Variants in SETD7 observed in about 807,000 individuals in gnomAD.
The protein encoded by SETD7 is SET domain containing 7, histone lysine methyltransferase.
Under a neutral mutation model 41.8 loss-of-function variants are expected in SETD7, and 16 were observed. The ratio of observed to expected loss-of-function variants is 0.38; its 90% CI spans 0.26 to 0.58. The LOEUF is 0.58. Ranked by LOEUF, SETD7 falls within the 20% of genes least tolerant of loss-of-function variation. SETD7 has a pLI of 0.64. For missense variants in SETD7, 346 were observed against 459.7 expected (o/e 0.75, Z 2.26); for synonymous variants, 163 against 169.7 (o/e 0.96, Z 0.31).
chr4:139,517,939 G>C lies in SETD7; in HGVS notation c.866C>G (p.Ala289Gly). The change falls in exon 7 of 8, where the codon GCC becomes GGC. Residue 289 changes from alanine (A) to glycine (G), a missense_variant. Physicochemically the swap from Ala to Gly is moderately conservative, Grantham distance 60 (BLOSUM62 0). Coordinates refer to ENST00000274031, the MANE Select transcript of SETD7 (RefSeq NM_030648.4). ...EPYNHVSKYC[A>G]SLGHKANHSF... Reference sequence around the variant, plus strand: ...GTGATTTGCCTTGTGTCCCAAGGAGGCACAGTACTTGGATACGTGGTTATA... The same window carrying C: ...GTGATTTGCCTTGTGTCCCAAGGAGCCACAGTACTTGGATACGTGGTTATA... 1 of 1,613,960 alleles carries C rather than the reference G, an allele frequency of 6.2e-7. No homozygotes were observed. Among genetic ancestry groups the C allele is most frequent in the South Asian group, 1.1e-5 (1 of 91,066 alleles).
intron 5 of SETD7, 80 bp from the exon 6 acceptor site, chr4:139,520,474 A>T: frequency 1.4e-6 from 1 of 723,766 alleles, no homozygotes; most frequent in Non-Finnish European, 2.2e-6. Flanking sequence ...AATATCATTA[A>T]GGCTACTGAT....
chr4:139,514,877 A>C (rs1329808491), intron 7 of SETD7, among the ~76,000 whole-genome samples: 1 of 152,328 alleles, frequency 6.6e-6, no homozygotes, highest in African/African-American at 2.4e-5. Context: ...TAAAGTGTAC[A>C]TATCAGGGCC....
intron 2 of SETD7, among the ~76,000 whole-genome samples, chr4:139,534,405 C>CGA (rs1491203474): frequency 1.8e-3 from 279 of 151,160 alleles, no homozygotes; most frequent in South Asian, 6.9e-3. Context: ...TTTTTTTTTT[C>CGA]GAGAGAGGAT....
chr4:139,548,685 A>G (rs1728029155), intron 1 of SETD7, among the ~76,000 whole-genome samples: 1 of 152,234 alleles, frequency 6.6e-6, no homozygotes, highest in African/African-American at 2.4e-5. Flanking sequence ...CATTAATTAC[A>G]TAAACATAAA....
At chr4:139,504,715 C>T (rs960016019), downstream of SETD7, among the ~76,000 whole-genome samples, 2 of 152,136 alleles carry the variant, frequency 1.3e-5, no homozygotes, top group Non-Finnish European at 2.9e-5. Flanking sequence ...ATATTGGTAA[C>T]CATCCCATTA....
Position 139,533,181 on chromosome 4 carries a change from C to T in SETD7, c.356G>A (p.Cys119Tyr). The stretch of plus-strand genomic sequence containing the variant: ...ACGGCTTACTGGGTAATATATCCAG[C>T]ACACTCCATGACGAATGTTATCTTT... ...QYKDNIRHGV[C>Y]WIYYPDGGSL... The change falls in exon 3 of 8, where the codon TGC (cysteine) becomes TAC (tyrosine). Residue 119 changes from cysteine to tyrosine, a missense_variant. Coordinates refer to ENST00000274031, the MANE Select transcript of SETD7 (RefSeq NM_030648.4). 1.2e-6 allele frequency: 2 copies of T among 1,613,798 alleles called. No homozygotes were observed.
rs1212436063 is a variant in SETD7, at chr4:139,508,658, A to T, written c.*3005T>A. The T allele has an allele frequency of 6.6e-6, 1 of 152,212 alleles. No homozygotes were observed. Among genetic ancestry groups the T allele is most frequent in the Non-Finnish European group, 1.5e-5 (1 of 68,040 alleles). The allele number at this position is 152,212 out of a possible 1,614,324, so 9.4% of individuals were successfully genotyped here. On this transcript the variant is annotated 3_prime_UTR_variant, in exon 8 of 8. Transcript: ENST00000274031. ...CCCGCTGTTTTTCAGGAGAGCATAA[A>T]GTTATTTCTTTATTCCCCACCACAT...
At chr4:139,548,604 C>T (rs1195125196) in intron 1 of SETD7, among the ~76,000 whole-genome samples, 2 of 152,130 alleles carry the variant, frequency 1.3e-5, no homozygotes, top group Non-Finnish European at 2.9e-5. Context: ...TGCACTCCAG[C>T]GTGGGCAACA....
intron 2 of SETD7, among the ~76,000 whole-genome samples, chr4:139,538,379 G>C (rs1247295190): frequency 1.3e-5 from 2 of 152,088 alleles, no homozygotes; most frequent in African/African-American, 4.8e-5. Flanking sequence ...GCCTAGGCTG[G>C]AATACAGTGG....
At position 139,511,570 on chromosome 4, in the gene SETD7, C is replaced by T; in HGVS notation, c.*93G>A. On this transcript the variant is annotated 3_prime_UTR_variant, in exon 8 of 8. Coordinates refer to ENST00000274031, the MANE Select transcript of SETD7 (RefSeq NM_030648.4). ...ATGGTGAGAGGATGTGACGTCACAG[C>T]ATGAGCAGTCCCTGGTTGTCCCATT... 6.3e-7 allele frequency: 1 copy of T among 1,587,250 alleles called. No individual in the cohort carries two copies. Among genetic ancestry groups the T allele is most frequent in the Non-Finnish European group, 8.5e-7 (1 of 1,173,480 alleles).
chr4:139,547,951 C>T (rs1229202070), intron 1 of SETD7: 1 of 152,180 alleles, frequency 6.6e-6, no homozygotes, highest in Non-Finnish European at 1.5e-5. Flanking sequence ...TAGTTTAATA[C>T]TGACATTTAC....
intron 1 of SETD7, among the ~76,000 whole-genome samples, chr4:139,550,930 T>G (rs971997004): frequency 6.6e-6 from 1 of 152,212 alleles, no homozygotes; most frequent in Non-Finnish European, 1.5e-5. Flanking sequence ...AGTGTGCTGA[T>G]GAATACTGAA....
chr4:139,534,168 C>G (rs952088809), intron 2 of SETD7, among the ~76,000 whole-genome samples: 3 of 152,116 alleles, frequency 2.0e-5, no homozygotes, highest in African/African-American at 7.2e-5. Context: ...CCATCTCTCT[C>G]CTTGTAATAT....
At chr4:139,515,939 C>T (rs761771308) in intron 7 of SETD7, among the ~76,000 whole-genome samples, 7 of 152,180 alleles carry the variant, frequency 4.6e-5, no homozygotes, top group Non-Finnish European at 1.0e-4. Flanking sequence ...CATTCTCAGG[C>T]CAAGCTAAGG....
intron 2 of SETD7, among the ~76,000 whole-genome samples, chr4:139,542,301 T>G (rs1727801608): frequency 6.6e-6 from 1 of 152,132 alleles, no homozygotes; most frequent in Non-Finnish European, 1.5e-5. Flanking sequence ...TACAGTTAGA[T>G]AGCAAGAATA....
chr4:139,556,167 C>T lies in SETD7; in HGVS notation c.-30G>A. 6.3e-7 allele frequency: 1 copy of T among 1,584,010 alleles called. No individual in the cohort carries two copies. Among genetic ancestry groups the T allele is most frequent in the Non-Finnish European group, 8.6e-7 (1 of 1,166,066 alleles). ...GCTGGGGACACTGCCCAGCTCGGGG[C>T]TGCGCGGCTGCCTCCCGTCCCTCTG... On this transcript the variant is annotated 5_prime_UTR_variant, in exon 1 of 8. Transcript: ENST00000274031.
At chr4:139,533,986 T>C (rs74597241) in intron 2 of SETD7, among the ~76,000 whole-genome samples, 17,932 of 151,968 alleles carry the variant, frequency 0.12, 1,403 homozygotes, top group East Asian at 0.41. Context: ...TGTATGTATG[T>C]ATGTATATCT....
intron 7 of SETD7, among the ~76,000 whole-genome samples, chr4:139,517,446 G>A (rs1727055085): frequency 7.2e-6 from 1 of 139,368 alleles, no homozygotes; most frequent in African/African-American, 2.9e-5. Flanking sequence ...TTGCACTCCA[G>A]CCTGGGCATC....
chr4:139,527,922 C>T (rs1219931132), intron 4 of SETD7, among the ~76,000 whole-genome samples: 2 of 152,158 alleles, frequency 1.3e-5, no homozygotes, highest in Non-Finnish European at 1.5e-5. Flanking sequence ...AATATAAATG[C>T]TAAAATTTCC....
Sources: allele counts gnomAD v4.1 joint callset (sites outside exome capture counted in the v4.1 genomes callset), GRCh38; gene constraint gnomAD v4.1.1; transcripts MANE v1.5; gene names NCBI Gene and HGNC (gene_info 2026-07-23, HGNC 2026-07-21).